TNNI3K: variants seen among roughly 807,000 people sequenced by gnomAD.
TNNI3K encodes serine/threonine-protein kinase TNNI3K.
In TNNI3K, 140 loss-of-function variants were observed where a neutral mutation model predicts 114.5. That is an observed-to-expected ratio of 1.22 (90% CI 1.07 to 1.41). The LOEUF (loss-of-function observed/expected upper bound fraction) is 1.41, where lower values mean the gene tolerates loss of function less well. Ranked by LOEUF, TNNI3K falls within the 40% of genes most tolerant of loss-of-function variation. The probability of loss-of-function intolerance (pLI) is 0.00; values close to 1 mark genes in which losing one functional copy is unlikely to be tolerated. For missense variants in TNNI3K, 1,125 were observed against 1,007.6 expected (o/e 1.12, Z -1.58); for synonymous variants, 347 against 347.5 (o/e 1.00, Z 0.02).
chr1:74,255,689 C>G (rs1655244126), intron 4 of TNNI3K, among the ~76,000 whole-genome samples: 1 of 152,110 alleles, frequency 6.6e-6, no homozygotes, highest in South Asian at 2.1e-4. Context: ...CAATTGTTAG[C>G]TTTTGAAAAT....
chr1:74,363,322 C>A (rs985680998), intron 11 of TNNI3K, among the ~76,000 whole-genome samples: 2 of 151,946 alleles, frequency 1.3e-5, no homozygotes, highest in Admixed American at 6.6e-5. Flanking sequence ...CCACAGTTAG[C>A]ATGAGGGGGG....
chr1:74,524,441 T>A (rs1646476095), intron 23 of TNNI3K, among the ~76,000 whole-genome samples: 1 of 152,146 alleles, frequency 6.6e-6, no homozygotes, highest in Non-Finnish European at 1.5e-5. Flanking sequence ...CTAGAGTATG[T>A]AGGGCCAACT....
intron 17 of TNNI3K, chr1:74,418,313 C>T (rs1665229422): frequency 4.3e-6 from 1 of 233,504 alleles, no homozygotes; most frequent in Non-Finnish European, 8.8e-6. Flanking sequence ...TAGAAGCCTG[C>T]CTCTAGGACT....
intron 21 of TNNI3K, chr1:74,480,999 G>A: frequency 4.4e-6 from 3 of 676,432 alleles, no homozygotes; most frequent in Non-Finnish European, 8.3e-6. Context: ...ACTAGATGCA[G>A]GGTACACATG....
rs536679166 is a variant in TNNI3K, at chr1:74,248,740, C to T, written c.150-719C>T. Among the ~76,000 whole-genome samples, 239 of 152,238 alleles carry T rather than the reference C, an allele frequency of 1.6e-3. 1 individual carries two copies. Among genetic ancestry groups the T allele is most frequent in the African/African-American group, 5.6e-3 (234 of 41,548 alleles). ...TCTTGTCTCTGGCCCCTCATTTTCC[C>T]CAGAGGGTAGCCATAGAGACTAGAA... On this transcript the variant is annotated intron_variant, in intron 2 of 24. Coordinates refer to ENST00000326637, the MANE Select transcript of TNNI3K (RefSeq NM_015978.3).
intron 17 of TNNI3K, among the ~76,000 whole-genome samples, chr1:74,418,950 T>G (rs1665265763): frequency 6.6e-6 from 1 of 152,116 alleles, no homozygotes. Flanking sequence ...CCTTCTTGTT[T>G]CTGCTGTTGC....
At position 74,367,917 on chromosome 1, in the gene TNNI3K, A is replaced by G. The variant is rs1322057038; in HGVS notation, c.1274A>G (p.Tyr425Cys). ...EYSQPGGDGS[Y>C]VSVPSPLGKI... ...ATAATTTAATTTCTAGATGGCTCCT[A>G]TGTGTCTGTTCCATCACCCTTGGGG... The change falls in exon 13 of 25, where the codon TAT (tyrosine) becomes TGT (cysteine). Residue 425 changes from tyrosine to cysteine, a missense_variant. By Grantham distance (194) the Tyr-to-Cys change is radical. Coordinates refer to ENST00000326637, the MANE Select transcript of TNNI3K (RefSeq NM_015978.3). 2.5e-6 allele frequency: 4 copies of G among 1,577,052 alleles called. No homozygotes were observed. The highest frequency in any genetic ancestry group is 1.7e-4 in the Middle Eastern group (1 of 5,930).
chr1:74,338,094 C>T (rs1267779573), intron 7 of TNNI3K, among the ~76,000 whole-genome samples: 2 of 151,912 alleles, frequency 1.3e-5, no homozygotes, highest in South Asian at 2.1e-4. Context: ...ATTGATAAAT[C>T]GAAAGGTAAT....
intron 20 of TNNI3K, among the ~76,000 whole-genome samples, chr1:74,451,425 A>G (rs59051127): frequency 0.028 from 4,278 of 152,142 alleles, 184 homozygotes; most frequent in African/African-American, 0.098. Flanking sequence ...ATCAATGTCC[A>G]ATTTTTTGCT....
intron 20 of TNNI3K, among the ~76,000 whole-genome samples, chr1:74,440,582 C>T (rs1028405542): frequency 1.3e-5 from 2 of 151,770 alleles, no homozygotes; most frequent in African/African-American, 4.8e-5. Flanking sequence ...GTTTTTTTTC[C>T]CCAACCTACC....
chr1:74,375,777 A>G (rs1044660419), intron 17 of TNNI3K: 1 of 353,468 alleles, frequency 2.8e-6, no homozygotes, highest in Non-Finnish European at 5.7e-6. Flanking sequence ...GAGAAGACTG[A>G]TTTGAGTAAT....
chr1:74,265,256 G>T (rs1424493547), intron 4 of TNNI3K, among the ~76,000 whole-genome samples: 1 of 152,002 alleles, frequency 6.6e-6, no homozygotes, highest in East Asian at 1.9e-4. Flanking sequence ...GAAAAGGAAT[G>T]AAACAGAATT....
chr1:74,475,179 G>A (rs1259035479), intron 21 of TNNI3K: 2 of 560,904 alleles, frequency 3.6e-6, no homozygotes, highest in East Asian at 3.0e-5. Flanking sequence ...AAAAGGAATA[G>A]ACTAGTGCTA....
chr1:74,430,307 C>T (rs193267835), intron 17 of TNNI3K, among the ~76,000 whole-genome samples: 1 of 152,248 alleles, frequency 6.6e-6, no homozygotes, highest in East Asian at 1.9e-4. Flanking sequence ...TGAAAAGACT[C>T]ATGATCCTTA....
rs758991495 is a variant in TNNI3K at position 74,342,987 on chromosome 1, G to A, written c.827+1G>A. On this transcript the variant is annotated splice_donor_variant, in intron 8 of 24. Coordinates refer to ENST00000326637, the MANE Select transcript of TNNI3K (RefSeq NM_015978.3). LOFTEE classifies it high-confidence loss of function. ...TCTATGGAGATACCCCCTTACACCTGTGAGTATTATGTAGCATTCCATAGG... is the reference window on the plus strand; with the variant it reads ...TCTATGGAGATACCCCCTTACACCTATGAGTATTATGTAGCATTCCATAGG... 6.2e-7 allele frequency: 1 copy of A among 1,613,786 alleles called. No individual in the cohort carries two copies. The highest frequency in any genetic ancestry group is 1.1e-5 in the South Asian group (1 of 91,072).
In TNNI3K at chr1:74,278,226, A is replaced by G. The variant is rs150561540; in HGVS notation, c.444+6518A>G. 8.8e-3 allele frequency among the ~76,000 whole-genome samples: 1,342 copies of G among 152,294 alleles called. 16 individuals carry two copies. Among genetic ancestry groups the G allele is most frequent in the African/African-American group, 0.025 (1,031 of 41,566 alleles). On this transcript the variant is annotated intron_variant, in intron 5 of 24. Coordinates refer to ENST00000326637, the MANE Select transcript of TNNI3K (RefSeq NM_015978.3). ...TCTGCCCCAATCTTGTGAATAGGCA[A>G]TAGTCCCTTGTGAACTCCATTTGGA...
chr1:74,539,192 G>T (rs1646696501), intron 23 of TNNI3K, among the ~76,000 whole-genome samples: 1 of 152,116 alleles, frequency 6.6e-6, no homozygotes, highest in African/African-American at 2.4e-5. Context: ...GAGCTAAAAG[G>T]ACTTGAATTG....
intron 2 of TNNI3K, among the ~76,000 whole-genome samples, chr1:74,243,861 TA>T (rs1471078955): frequency 6.6e-6 from 1 of 152,102 alleles, no homozygotes; most frequent in Admixed American, 6.5e-5. Context: ...CTCTTTAGGA[TA>T]TGTTAAGTTA....
intron 9 of TNNI3K, among the ~76,000 whole-genome samples, chr1:74,348,451 T>G (rs1354255214): frequency 3.3e-5 from 5 of 152,204 alleles, no homozygotes. Context: ...AACTTTGTTC[T>G]TTTTGCTTAG....
Sources: allele counts gnomAD v4.1 joint callset (sites outside exome capture counted in the v4.1 genomes callset), GRCh38; gene constraint gnomAD v4.1.1; transcripts MANE v1.5; gene names NCBI Gene and HGNC (gene_info 2026-07-23, HGNC 2026-07-21).